The following DIP2A variants were observed in gnomAD, a reference collection of about 807,000 sequenced individuals.
DIP2A encodes the protein disco-interacting protein 2 homolog A.
A neutral mutation model predicts 177.4 loss-of-function variants in DIP2A; 85 were observed. That is an observed-to-expected ratio of 0.48 (90% CI 0.40 to 0.57). DIP2A has a LOEUF of 0.57. Ranked by LOEUF, DIP2A falls within the 20% of genes least tolerant of loss-of-function variation. The pLI is 0.00. For synonymous variants in DIP2A, 886 were observed against 881.8 expected (o/e 1.00, Z -0.08); for missense variants, 1,791 against 2,100.2 (o/e 0.85, Z 2.88).
intron 5 of DIP2A, among the ~76,000 whole-genome samples, chr21:46,503,681 CTTTTCTTTCTTTCTTCT>C (rs2057818345): frequency 2.0e-5 from 1 of 49,888 alleles, no homozygotes; most frequent in Non-Finnish European, 4.0e-5. Context: ...TTCTTTCTTT[CTTTTCTTTCTTTCTTCT>C]TTCTCTTTCC....
Position 46,498,870 on chromosome 21 carries a change from A to T in DIP2A, c.655+37A>T. 1 of 1,574,606 alleles carries T rather than the reference A, an allele frequency of 6.4e-7. No individual in the cohort carries two copies. Among genetic ancestry groups the T allele is most frequent in the Non-Finnish European group, 8.6e-7 (1 of 1,158,462 alleles). ...GCTGCTGCGGCCCCTGTGCCAGCAG[A>T]GCGGGGTCAGGAGTGTCCAGGACAG... is the stretch of plus-strand genomic sequence containing the variant. On this transcript the variant is annotated intron_variant, in intron 5 of 37. Transcript: ENST00000417564. This position sits in a 1 kb window ranked among gnomAD's most constrained non-coding sequence, Gnocchi z 4.3.
intron 5 of DIP2A, among the ~76,000 whole-genome samples, chr21:46,504,108 G>T (rs1440590753): frequency 2.0e-5 from 3 of 152,218 alleles, no homozygotes; most frequent in Non-Finnish European, 1.5e-5. Context: ...TGCTGAAGAT[G>T]GTGGTTCTGA....
the DIP2A span, among the ~76,000 whole-genome samples, chr21:46,579,258 G>T: frequency 1.3e-5 from 2 of 152,164 alleles, no homozygotes; most frequent in Non-Finnish European, 2.9e-5. Context: ...GATGTTTATA[G>T]TATTCTCTGA....
intron 1 of DIP2A, among the ~76,000 whole-genome samples, chr21:46,467,879 G>A (rs2054980952): frequency 1.3e-5 from 2 of 152,194 alleles, no homozygotes; most frequent in South Asian, 2.1e-4. Flanking sequence ...TTGGGAGGTC[G>A]AAGAGGATGG....
intron 8 of DIP2A, among the ~76,000 whole-genome samples, chr21:46,522,237 T>A (rs909003642): frequency 1.1e-4 from 17 of 152,236 alleles, no homozygotes; most frequent in Non-Finnish European, 2.1e-4. Context: ...TTAGTATTTT[T>A]AAACCAGTTA....
intron 3 of DIP2A, among the ~76,000 whole-genome samples, 174 bp downstream of exon 3, chr21:46,490,893 AC>A (rs1334580855): frequency 7.2e-5 from 11 of 152,182 alleles, no homozygotes; most frequent in African/African-American, 2.7e-4. Flanking sequence ...TTTAACCTTC[AC>A]GTAACCACAG....
chr21:46,491,763 A>G (rs576718956), intron 3 of DIP2A, among the ~76,000 whole-genome samples: 1 of 152,176 alleles, frequency 6.6e-6, no homozygotes, highest in African/African-American at 2.4e-5. Flanking sequence ...CTTATTTTCT[A>G]CATGTCCCAG....
chr21:46,558,080 T>A, intron 31 of DIP2A, 143 bp from the exon 32 acceptor site: 1 of 894,942 alleles, frequency 1.1e-6, no homozygotes, highest in Non-Finnish European at 1.7e-6. Context: ...TAGGATTCTG[T>A]GGAACAGACA....
In DIP2A at chr21:46,557,741, G is replaced by C; in HGVS notation, c.3786G>C (p.Thr1262=). ...GCACCAAGGGCCTAGGCGCACAGACGGGTGTCCTCAGGGTGAGTGCCCAGA... is the reference window on the plus strand; with the variant it reads ...GCACCAAGGGCCTAGGCGCACAGACCGGTGTCCTCAGGGTGAGTGCCCAGA... ...EMCTKGLGAQ[T]GVLRMKGVNL... is the part of the protein sequence containing the mutation. Residue 1262 remains threonine (T), a synonymous_variant, in exon 31 of 38, where the codon ACG becomes ACC. Coordinates refer to ENST00000417564, the MANE Select transcript of DIP2A (RefSeq NM_015151.4). This position sits in a 1 kb window ranked among gnomAD's most constrained non-coding sequence, Gnocchi z 6.0. The C allele has an allele frequency of 1.2e-6, 2 of 1,609,528 alleles. No individual in the cohort carries two copies. The highest frequency in any genetic ancestry group is 1.7e-6 in the Non-Finnish European group (2 of 1,176,422).
chr21:46,555,857 C>T (rs562558338), intron 28 of DIP2A, 125 bp from the exon 29 acceptor site: 31 of 768,214 alleles, frequency 4.0e-5, no homozygotes, highest in Non-Finnish European at 5.7e-5. Flanking sequence ...GCCCCACTCC[C>T]GTCTGAGCTC....
At chr21:46,547,206 G>A in intron 21 of DIP2A, 164 bp downstream of exon 21, 4 of 1,417,798 alleles carry the variant, frequency 2.8e-6, no homozygotes, top group Non-Finnish European at 3.7e-6. Context: ...TTGCAGCAAT[G>A]ATACCAGAGT....
At chr21:46,540,392 C>T (rs968010759) in intron 17 of DIP2A, among the ~76,000 whole-genome samples, 5 of 152,114 alleles carry the variant, frequency 3.3e-5, no homozygotes, top group African/African-American at 9.7e-5. Context: ...GCCCGGCCAC[C>T]CACCTCCCGG....
downstream of DIP2A, among the ~76,000 whole-genome samples, chr21:46,570,272 G>A (rs1479018410): frequency 6.6e-6 from 1 of 152,124 alleles, no homozygotes; most frequent in African/African-American, 2.4e-5. Flanking sequence ...ATGACAGCAT[G>A]GAAAAGGCCT....
At chr21:46,501,947 A>AT (rs2057674722) in intron 5 of DIP2A, among the ~76,000 whole-genome samples, 1 of 152,140 alleles carries the variant, frequency 6.6e-6, no homozygotes, top group African/African-American at 2.4e-5. Context: ...AACGGTTTAG[A>AT]TTTTTTCAAA....
At chr21:46,528,527 CTTTTTTTTTTTTTTTTTTTT>C (rs1162872343) in intron 8 of DIP2A, among the ~76,000 whole-genome samples, 112 of 29,414 alleles carry the variant, frequency 3.8e-3, no homozygotes, top group Non-Finnish European at 4.8e-3. Context: ...TTTCTGCTTG[CTTTTTTTTTTTTTTTTTTTT>C]TTTTTTTTTT....
At chr21:46,508,353 C>CTTTTTTT (rs571637777) in intron 6 of DIP2A, among the ~76,000 whole-genome samples, 1 of 90,484 alleles carries the variant, frequency 1.1e-5, no homozygotes. Context: ...TGGCCAATGA[C>CTTTTTTT]TTTTTTTTTT....
At chr21:46,560,850 A>C in intron 33 of DIP2A, 67 bp downstream of exon 33, 1 of 1,551,810 alleles carries the variant, frequency 6.4e-7, no homozygotes, top group Admixed American at 1.9e-5. Flanking sequence ...CCAGGTCTGC[A>C]CTGACTATGC....
chr21:46,477,509 A>G (rs2055956404), intron 1 of DIP2A, among the ~76,000 whole-genome samples: 1 of 148,686 alleles, frequency 6.7e-6, no homozygotes, highest in Non-Finnish European at 1.5e-5. Context: ...CCTGGGTGAC[A>G]GGGTGAGACT....
intron 1 of DIP2A, among the ~76,000 whole-genome samples, chr21:46,479,961 GACT>G (rs1714727314): frequency 6.6e-6 from 1 of 152,052 alleles, no homozygotes; most frequent in Non-Finnish European, 1.5e-5. Flanking sequence ...TATTAAGAAC[GACT>G]GTTACCAGTG....
Sources: allele counts gnomAD v4.1 joint callset (sites outside exome capture counted in the v4.1 genomes callset), GRCh38; gene constraint gnomAD v4.1.1; non-coding constraint Gnocchi (gnomAD v3.1); transcripts MANE v1.5; gene names NCBI Gene and HGNC (gene_info 2026-07-23, HGNC 2026-07-21).